The following LHFPL3 variants were observed in gnomAD, a reference collection of about 807,000 sequenced individuals.
LHFPL3 encodes LHFPL tetraspan subfamily member 3 protein.
Under a neutral mutation model 19.3 loss-of-function variants are expected in LHFPL3, and 5 were observed. The ratio of observed to expected loss-of-function variants is 0.26; its 90% confidence interval spans 0.14 to 0.54. The LOEUF (loss-of-function observed/expected upper bound fraction) is 0.54, where lower values mean the gene tolerates loss of function less well. Among genes scored for constraint, LHFPL3 ranks in the 20% least tolerant of loss-of-function variants. The probability of loss-of-function intolerance (pLI) is 0.94; values close to 1 mark genes in which losing one functional copy is unlikely to be tolerated. For missense variants in LHFPL3, 249 were observed against 307.4 expected (o/e 0.81, Z 1.42); for synonymous variants, 133 against 126.2 (o/e 1.05, Z -0.36).
At chr7:104,348,390 A>G (rs1404787973) in intron 1 of LHFPL3, among the ~76,000 whole-genome samples, 1 of 152,274 alleles carries the variant, frequency 6.6e-6, no homozygotes, top group Admixed American at 6.5e-5. Context: ...TCTCAAAAAA[A>G]GAACACAGAT....
chr7:104,479,045 G>C (rs999014620), intron 1 of LHFPL3, among the ~76,000 whole-genome samples: 1 of 152,174 alleles, frequency 6.6e-6, no homozygotes, highest in African/African-American at 2.4e-5. Context: ...CTTGACTGGA[G>C]TCTGTGGTTT....
At chr7:104,358,806 C>T (rs777438436) in intron 1 of LHFPL3, among the ~76,000 whole-genome samples, 2 of 152,144 alleles carry the variant, frequency 1.3e-5, no homozygotes, top group African/African-American at 2.4e-5. Context: ...CTTTTCTTCT[C>T]GATAAATTCT....
intron 1 of LHFPL3, among the ~76,000 whole-genome samples, chr7:104,345,712 A>G (rs529378255): frequency 1.3e-5 from 2 of 152,252 alleles, no homozygotes; most frequent in Admixed American, 1.3e-4. Context: ...TTAGTACTTT[A>G]TATTCATTTT....
At chr7:104,349,347 C>T (rs947835097) in intron 1 of LHFPL3, among the ~76,000 whole-genome samples, 14 of 152,086 alleles carry the variant, frequency 9.2e-5, no homozygotes, top group Admixed American at 6.5e-4. Flanking sequence ...TTTTAATAAA[C>T]CCCAAGAAAT....
chr7:104,505,786 T>G (rs1584365933), intron 1 of LHFPL3, among the ~76,000 whole-genome samples: 2 of 152,200 alleles, frequency 1.3e-5, no homozygotes, highest in East Asian at 3.9e-4. Context: ...CATGTTATTG[T>G]AATATAAAAG....
intron 1 of LHFPL3, among the ~76,000 whole-genome samples, chr7:104,365,722 A>G (rs939649236): frequency 7.2e-6 from 1 of 139,748 alleles, no homozygotes; most frequent in Non-Finnish European, 1.5e-5. Flanking sequence ...CAGAGCTTGC[A>G]GTGAGCCGAG....
At chr7:104,469,241 G>A (rs966076307) in intron 1 of LHFPL3, among the ~76,000 whole-genome samples, 3 of 152,172 alleles carry the variant, frequency 2.0e-5, no homozygotes, top group African/African-American at 7.2e-5. Context: ...TCTAAAAGCT[G>A]ACTTTTGTTC....
rs1380309958 is a variant in LHFPL3, at chr7:104,597,941, A to G, written c.446-138734A>G. 2.6e-5 allele frequency among the ~76,000 whole-genome samples: 4 copies of G among 152,206 alleles called. No homozygotes were observed. In the East Asian group the frequency reaches 7.7e-4, roughly 29 times the overall value. On this transcript the variant is annotated intron_variant, in intron 1 of 2. Transcript: ENST00000424859. ...TCAGTTTGAAAAATGCCCCTATCAC[A>G]GCAACATGAATTCTGCTGACATTGA... is the stretch of plus-strand genomic sequence containing the variant.
chr7:104,531,801 A>G (rs1250650613), intron 1 of LHFPL3, among the ~76,000 whole-genome samples: 1 of 152,192 alleles, frequency 6.6e-6, no homozygotes, highest in Non-Finnish European at 1.5e-5. Flanking sequence ...TTGGTGGGTT[A>G]TAACCTCATT....
chr7:104,681,797 A>G (rs1267061182), intron 1 of LHFPL3, among the ~76,000 whole-genome samples: 1 of 152,190 alleles, frequency 6.6e-6, no homozygotes, highest in Non-Finnish European at 1.5e-5. Context: ...TTCAACAAAT[A>G]TCATCCTCCG....
At chr7:104,501,564 G>A (rs997033641) in intron 1 of LHFPL3, among the ~76,000 whole-genome samples, 3 of 152,090 alleles carry the variant, frequency 2.0e-5, no homozygotes, top group Non-Finnish European at 4.4e-5. Flanking sequence ...TAAACATAAT[G>A]GTGAGTCATA....
chr7:104,658,567 G>A (rs1430137319), intron 1 of LHFPL3, among the ~76,000 whole-genome samples: 3 of 152,144 alleles, frequency 2.0e-5, no homozygotes, highest in Admixed American at 6.5e-5. Context: ...TTGGGAGGCC[G>A]AGGCAGGTGG....
chr7:104,392,175 A>C (rs1248215181), intron 1 of LHFPL3, among the ~76,000 whole-genome samples: 1 of 151,900 alleles, frequency 6.6e-6, no homozygotes, highest in Non-Finnish European at 1.5e-5. Context: ...AATACCCTTT[A>C]TTTCTTTCTC....
intron 2 of LHFPL3, chr7:104,796,692 C>G (rs1233008195): frequency 6.6e-6 from 1 of 152,612 alleles, no homozygotes; most frequent in Non-Finnish European, 1.5e-5. Flanking sequence ...CTTAGAAAAC[C>G]CGGCTCAAAG....
At chr7:104,542,898 A>G (rs1794514488) in intron 1 of LHFPL3, among the ~76,000 whole-genome samples, 1 of 152,192 alleles carries the variant, frequency 6.6e-6, no homozygotes, top group Non-Finnish European at 1.5e-5. Context: ...ACTTGGAACC[A>G]ACCCAAATGC....
Position 104,481,852 on chromosome 7 carries a change from A to G in LHFPL3, c.445+152628A>G, listed in dbSNP as rs73712195. Reference sequence around the variant, plus strand: ...TTTTAGAAAGGACATAGGCTCAAGAAGTAGGTGACTGAAGTAGGTGACTGA... The same window carrying G: ...TTTTAGAAAGGACATAGGCTCAAGAGGTAGGTGACTGAAGTAGGTGACTGA... On this transcript the variant is annotated intron_variant, in intron 1 of 2. Coordinates refer to ENST00000424859, the MANE Select transcript of LHFPL3 (RefSeq NM_199000.3). Among the ~76,000 whole-genome samples, 1,041 of 152,294 alleles carry G rather than the reference A, an allele frequency of 6.8e-3. 10 individuals carry two copies. The highest frequency in any genetic ancestry group is 0.023 in the African/African-American group (971 of 41,546).
chr7:104,463,818 A>G (rs1206625145), intron 1 of LHFPL3, among the ~76,000 whole-genome samples: 3 of 152,204 alleles, frequency 2.0e-5, no homozygotes, highest in Non-Finnish European at 4.4e-5. Context: ...ACAATTCAAG[A>G]TAAGATTTGA....
intron 1 of LHFPL3, among the ~76,000 whole-genome samples, chr7:104,655,683 C>CTT (rs1021357706): frequency 8.5e-5 from 13 of 152,198 alleles, no homozygotes; most frequent in African/African-American, 3.1e-4. Flanking sequence ...CAAGGTGCAT[C>CTT]TTTTCTTGCA....
At chr7:104,723,022 G>T (rs977326897) in intron 1 of LHFPL3, among the ~76,000 whole-genome samples, 2 of 152,120 alleles carry the variant, frequency 1.3e-5, no homozygotes, top group Admixed American at 6.6e-5. Flanking sequence ...CAAGTCATAG[G>T]CCCCCTATTG....
Sources: gnomAD v4.1 joint callset for allele counts (sites outside exome capture counted in the v4.1 genomes callset) on GRCh38, gnomAD v4.1.1 for gene constraint, MANE v1.5 for transcripts, NCBI Gene and HGNC (gene_info 2026-07-23, HGNC 2026-07-21) for gene names.